Variants in ZNF804A observed in about 807,000 individuals in gnomAD.
ZNF804A encodes zinc finger protein 804A.
Under a neutral mutation model 16.5 loss-of-function variants are expected in ZNF804A, and 2 were observed. The ratio of observed to expected loss-of-function variants is 0.12; its 90% confidence interval spans 0.05 to 0.38. ZNF804A has a LOEUF of 0.38. Ranked by LOEUF, ZNF804A falls within the 10% of genes least tolerant of loss-of-function variation. ZNF804A has a pLI of 0.99. For synonymous variants in ZNF804A, 534 were observed against 489.6 expected (o/e 1.09, Z -1.20); for missense variants, 1,473 against 1,390.7 (o/e 1.06, Z -0.94).
intron 1 of ZNF804A, among the ~76,000 whole-genome samples, chr2:184,601,734 A>T (rs2105664402): frequency 6.6e-6 from 1 of 151,992 alleles, no homozygotes; most frequent in Non-Finnish European, 1.5e-5. Context: ...GATTTTAATA[A>T]TATCGCAAAT....
intron 1 of ZNF804A, among the ~76,000 whole-genome samples, chr2:184,745,761 T>C (rs1026830901): frequency 6.6e-6 from 1 of 151,630 alleles, no homozygotes; most frequent in African/African-American, 2.4e-5. Flanking sequence ...TTACTACTTA[T>C]GGGCAAAAAT....
In ZNF804A at chr2:184,937,392, T is replaced by C. The variant is rs754955520; in HGVS notation, c.1996T>C (p.Ser666Pro). The change falls in exon 4 of 4, where the codon TCC becomes CCC. Residue 666 changes from serine to proline, a missense_variant. Physicochemically the swap from Ser to Pro is moderately conservative, Grantham distance 74. Transcript: ENST00000302277. ...TAAAAGGCCCAAATCAGAATCCATATCCTTAAGTGACAATGAAGAAATGTG... is the reference window on the plus strand; with the variant it reads ...TAAAAGGCCCAAATCAGAATCCATACCCTTAAGTGACAATGAAGAAATGTG... Reference protein sequence around the residue: ...LDKRPKSESISLSDNEEMCKT... With the variant: ...LDKRPKSESIPLSDNEEMCKT... The C allele has an allele frequency of 1.2e-6, 2 of 1,613,254 alleles. No individual in the cohort carries two copies. The highest frequency in any genetic ancestry group is 1.7e-6 in the Non-Finnish European group (2 of 1,179,702).
chr2:184,861,731 T>C (rs1029143464), intron 1 of ZNF804A, among the ~76,000 whole-genome samples: 2 of 152,170 alleles, frequency 1.3e-5, no homozygotes, highest in African/African-American at 4.8e-5. Context: ...TGTTGGAAAA[T>C]AATGTTTCTC....
At position 184,917,202 on chromosome 2, in the gene ZNF804A, C is replaced by T. The variant is rs1685461953; in HGVS notation, c.256-16401C>T. The stretch of plus-strand genomic sequence containing the variant: ...GTTAACCTGGCACCCATACACATCC[C>T]TTTAACCCAAAATTAATCTCCAAAT... On this transcript the variant is annotated intron_variant, in intron 2 of 3. Coordinates refer to ENST00000302277, the MANE Select transcript of ZNF804A (RefSeq NM_194250.2). Among the ~76,000 whole-genome samples, 3 of 152,102 alleles carry T rather than the reference C, an allele frequency of 2.0e-5. No individual in the cohort carries two copies. The South Asian group carries it at 6.2e-4, about 31-fold the overall frequency.
chr2:184,869,470 T>C (rs1695938606), intron 2 of ZNF804A, among the ~76,000 whole-genome samples: 1 of 152,018 alleles, frequency 6.6e-6, no homozygotes, highest in East Asian at 1.9e-4. Context: ...TTACCAGCCA[T>C]ATGACTTTGG....
chr2:184,875,537 T>G (rs562910504), intron 2 of ZNF804A, among the ~76,000 whole-genome samples: 1 of 152,138 alleles, frequency 6.6e-6, no homozygotes, highest in African/African-American at 2.4e-5. Flanking sequence ...TCATGTTTCT[T>G]GTACAGCCTG....
intron 2 of ZNF804A, among the ~76,000 whole-genome samples, chr2:184,931,555 G>A (rs1454935058): frequency 6.6e-6 from 1 of 152,148 alleles, no homozygotes; most frequent in East Asian, 1.9e-4. Context: ...TCCTGAGACT[G>A]CACAAAGTGG....
intron 1 of ZNF804A, among the ~76,000 whole-genome samples, chr2:184,650,303 C>T (rs1362831189): frequency 1.3e-5 from 2 of 152,140 alleles, no homozygotes; most frequent in African/African-American, 2.4e-5. Flanking sequence ...ATTAAAGTAA[C>T]ATACCTCAAA....
At chr2:184,750,959 A>G (rs577703801) in intron 1 of ZNF804A, among the ~76,000 whole-genome samples, 1 of 151,450 alleles carries the variant, frequency 6.6e-6, no homozygotes, top group African/African-American at 2.4e-5. Flanking sequence ...GGCTTATTTC[A>G]CTTAGCAAAA....
intron 1 of ZNF804A, among the ~76,000 whole-genome samples, chr2:184,783,054 C>G (rs1694395247): frequency 7.0e-6 from 1 of 142,858 alleles, no homozygotes; most frequent in African/African-American, 2.6e-5. Flanking sequence ...AGTGTGATTT[C>G]AAATTTGTGT....
chr2:184,888,938 G>A (rs1466713179), intron 2 of ZNF804A, among the ~76,000 whole-genome samples: 4 of 151,654 alleles, frequency 2.6e-5, no homozygotes, highest in Non-Finnish European at 5.9e-5. Context: ...TTGTGTGTAT[G>A]TGTGTATAAT....
At chr2:184,603,645 A>C (rs1025082291) in intron 1 of ZNF804A, among the ~76,000 whole-genome samples, 1 of 152,198 alleles carries the variant, frequency 6.6e-6, no homozygotes, top group Non-Finnish European at 1.5e-5. Flanking sequence ...GTGCTGCTGG[A>C]AAAGTTATTA....
chr2:184,792,480 A>G (rs1253699865), intron 1 of ZNF804A, among the ~76,000 whole-genome samples: 3 of 152,126 alleles, frequency 2.0e-5, no homozygotes, highest in South Asian at 2.1e-4. Flanking sequence ...GTGCCTGTTC[A>G]GATCTTTTGC....
At chr2:184,858,002 T>G (rs1263780656) in intron 1 of ZNF804A, among the ~76,000 whole-genome samples, 1 of 152,070 alleles carries the variant, frequency 6.6e-6, no homozygotes, top group African/African-American at 2.4e-5. Context: ...CTGTTAATTG[T>G]TTTCTGGTTA....
intron 2 of ZNF804A, among the ~76,000 whole-genome samples, chr2:184,928,441 T>C (rs2105840153): frequency 6.6e-6 from 1 of 152,112 alleles, no homozygotes; most frequent in East Asian, 1.9e-4. Flanking sequence ...AGGGATCTTT[T>C]AGGAGCCATG....
At chr2:184,767,013 A>G (rs957833404) in intron 1 of ZNF804A, among the ~76,000 whole-genome samples, 4 of 152,192 alleles carry the variant, frequency 2.6e-5, no homozygotes, top group Non-Finnish European at 4.4e-5. Context: ...AAAAAAGGCC[A>G]TGTGAGGACA....
chr2:184,792,416 T>C (rs1247995194), intron 1 of ZNF804A, among the ~76,000 whole-genome samples: 2 of 152,190 alleles, frequency 1.3e-5, no homozygotes, highest in African/African-American at 2.4e-5. Context: ...AGACATATGA[T>C]GTTGAGTATC....
At chr2:184,774,780 A>G (rs1694262686) in intron 1 of ZNF804A, among the ~76,000 whole-genome samples, 1 of 151,772 alleles carries the variant, frequency 6.6e-6, no homozygotes. Context: ...GGAAAGGGTC[A>G]AGTGAATATG....
intron 1 of ZNF804A, among the ~76,000 whole-genome samples, chr2:184,733,049 C>T (rs1025469658): frequency 6.6e-6 from 1 of 152,040 alleles, no homozygotes; most frequent in African/African-American, 2.4e-5. Flanking sequence ...TTAATTAGAA[C>T]TTCCAATATG....
Sources: allele counts gnomAD v4.1 joint callset (sites outside exome capture counted in the v4.1 genomes callset), GRCh38; gene constraint gnomAD v4.1.1; transcripts MANE v1.5; gene names NCBI Gene and HGNC (gene_info 2026-07-23, HGNC 2026-07-21).